RBM15: variants seen among roughly 807,000 people sequenced by gnomAD.
RBM15 encodes the protein RNA binding motif protein 15.
A neutral mutation model predicts 62.6 loss-of-function variants in RBM15; 8 were observed. The ratio of observed to expected loss-of-function variants is 0.13; its 90% confidence interval spans 0.07 to 0.23. The LOEUF is 0.23. RBM15 is among the 10% of genes least tolerant of loss of function. RBM15 has a pLI of 1.00. For synonymous variants in RBM15, 606 were observed against 505.7 expected (o/e 1.20, Z -2.66); for missense variants, 1,144 against 1,286.5 (o/e 0.89, Z 1.69).
At chr1:110,345,865 A>T (rs558588361) in intron 2 of RBM15, among the ~76,000 whole-genome samples, 2 of 152,170 alleles carry the variant, frequency 1.3e-5, no homozygotes, top group African/African-American at 4.8e-5. Context: ...GGAGTAGTCT[A>T]TGTTGCTCCA....
rs144045109 is a variant in RBM15 at position 110,343,178 on chromosome 1, A to G, written c.2863+910A>G. Among the ~76,000 whole-genome samples, 15 of 152,314 alleles carry G rather than the reference A, an allele frequency of 9.8e-5. No individual in the cohort carries two copies. In the East Asian group the frequency reaches 2.9e-3, roughly 29 times the overall value. On this transcript the variant is annotated intron_variant, in intron 1 of 2. Transcript: ENST00000369784. ...TGTATCAATTCAAATTTCTGGTTTCAATAATAGAAAGAAGAGTTGTCTGCA... is the reference window on the plus strand; with the variant it reads ...TGTATCAATTCAAATTTCTGGTTTCGATAATAGAAAGAAGAGTTGTCTGCA...
Position 110,340,157 on chromosome 1 carries a change from A to G in RBM15, c.752A>G (p.Tyr251Cys), listed in dbSNP as rs150200489. The G allele has an allele frequency of 4.3e-6, 7 of 1,613,756 alleles. No homozygotes were observed. Among genetic ancestry groups the G allele is most frequent in the Non-Finnish European group, 5.9e-6 (7 of 1,179,914 alleles). The change falls in exon 1 of 3, where the codon TAT (tyrosine) becomes TGT (cysteine). Residue 251 changes from tyrosine to cysteine, a missense_variant. This residue lies in a region of RBM15 where 188 missense variants were observed against 185.6 expected (regional missense o/e 1.01). Coordinates refer to ENST00000369784, the MANE Select transcript of RBM15 (RefSeq NM_022768.5). This position sits in a 1 kb window ranked among gnomAD's most constrained non-coding sequence, Gnocchi z 5.8. Reference protein sequence around the residue: ...YDRPLKIEAVYVSRRRSRSPL... With the variant: ...YDRPLKIEAVCVSRRRSRSPL... ...CGGCCTCTGAAGATAGAAGCTGTGT[A>G]TGTGAGCCGGCGCCGCAGCCGCTCC...
rs145126006 is a variant in RBM15 at position 110,339,525 on chromosome 1, A to G, written c.120A>G (p.Arg40=). The part of the protein sequence containing the change: ...RVTQLRGDDL[R]RPATMKGKER... ...CTCAGCTCCGCGGAGACGACCTCCG[A>G]CGACCCGCAACAATGAAGGGAAAAG... The change falls in exon 1 of 3, where the codon CGA becomes CGG. Residue 40 remains arginine, a synonymous_variant. Transcript: ENST00000369784. The G allele has an allele frequency of 3.1e-6, 5 of 1,601,580 alleles. No individual in the cohort carries two copies. Among genetic ancestry groups the G allele is most frequent in the African/African-American group, 1.3e-5 (1 of 74,814 alleles).
rs1256453054 is a variant in RBM15, at chr1:110,341,399, G to A, written c.1994G>A (p.Arg665His). Residue 665 changes from arginine (R) to histidine (H), a missense_variant, in exon 1 of 3, where the codon CGT becomes CAT. Arg to His is a conservative substitution (Grantham distance 29, BLOSUM62 0). Coordinates refer to ENST00000369784, the MANE Select transcript of RBM15 (RefSeq NM_022768.5). This position sits in a 1 kb window ranked among gnomAD's most constrained non-coding sequence, Gnocchi z 4.5. Reference protein sequence around the residue: ...RSPESDRPRKRHCAPSPDRSP... With the variant: ...RSPESDRPRKHHCAPSPDRSP... The stretch of plus-strand genomic sequence containing the variant: ...CCTGAGAGTGACCGCCCACGAAAAC[G>A]TCACTGCGCTCCTTCTCCTGACCGC... The A allele has an allele frequency of 1.2e-6, 2 of 1,614,020 alleles. No homozygotes were observed. The highest frequency in any genetic ancestry group is 1.1e-5 in the South Asian group (1 of 91,086).
At position 110,340,260 on chromosome 1, in the gene RBM15, A is replaced by T. The variant is rs372980088; in HGVS notation, c.855A>T (p.Gly285=). 54 of 1,614,154 alleles carry T rather than the reference A, an allele frequency of 3.3e-5. 1 individual carries two copies. The Middle Eastern group carries it at 8.2e-4, about 25-fold the overall frequency. ...TAGGTGGTCACCGGCACCCCCCTGGAGGTGGTGGAGGCCAGAGATCACTTT... is the reference window on the plus strand; with the variant it reads ...TAGGTGGTCACCGGCACCCCCCTGGTGGTGGTGGAGGCCAGAGATCACTTT... ...ASVGGHRHPP[G]GGGGQRSLSP... Residue 285 remains glycine (G), a synonymous_variant, in exon 1 of 3, where the codon GGA becomes GGT. Coordinates refer to ENST00000369784, the MANE Select transcript of RBM15 (RefSeq NM_022768.5). The surrounding 1 kb of genome is among the most constrained non-coding windows in gnomAD (Gnocchi z 5.8).
At chr1:110,343,829 G>A (rs997304770) in intron 1 of RBM15, among the ~76,000 whole-genome samples, 5 of 152,254 alleles carry the variant, frequency 3.3e-5, no homozygotes, top group Non-Finnish European at 5.9e-5. Flanking sequence ...AAAGCTGGTA[G>A]TTTTGAAATA....
rs1030888832 is a variant in RBM15, at chr1:110,339,660, C to T, written c.255C>T (p.Ser85=). ...CTGGTGGCAGCAATGGGAGCAGCAGCGGAAAGACCGATAGCGGCGGTGGGT... is the reference window on the plus strand; with the variant it reads ...CTGGTGGCAGCAATGGGAGCAGCAGTGGAAAGACCGATAGCGGCGGTGGGT... ...GGSGGSNGSS[S]GKTDSGGGSR... Residue 85 remains serine (S), a synonymous_variant, in exon 1 of 3, where the codon AGC becomes AGT. Coordinates refer to ENST00000369784, the MANE Select transcript of RBM15 (RefSeq NM_022768.5). 1.2e-6 allele frequency: 2 copies of T among 1,613,156 alleles called. No homozygotes were observed. Among genetic ancestry groups the T allele is most frequent in the Non-Finnish European group, 8.5e-7 (1 of 1,180,002 alleles).
Position 110,339,600 on chromosome 1 carries a change from T to C in RBM15, c.195T>C (p.Thr65=), listed in dbSNP as rs1256692695. The C allele has an allele frequency of 1.2e-6, 2 of 1,608,890 alleles. No individual in the cohort carries two copies. The change falls in exon 1 of 3, where the codon ACT becomes ACC. Residue 65 remains threonine, a synonymous_variant. Coordinates refer to ENST00000369784, the MANE Select transcript of RBM15 (RefSeq NM_022768.5). ...GCTCCCGTGGTGGTGAGGACTCGACTTCCCGCGGTGAGCGGAGCAAGAAGT... is the reference window on the plus strand; with the variant it reads ...GCTCCCGTGGTGGTGAGGACTCGACCTCCCGCGGTGAGCGGAGCAAGAAGT... ...AKRSRGGEDS[T]SRGERSKKLG...
Position 110,346,384 on chromosome 1 carries a change from A to T in RBM15, c.*117A>T. 6.9e-6 allele frequency: 11 copies of T among 1,590,868 alleles called. No individual in the cohort carries two copies. Among genetic ancestry groups the T allele is most frequent in the South Asian group, 1.1e-5 (1 of 90,860 alleles). ...CCTTTTTGAAGAGAAGTTGTGGCTTATGTGGAGTTTACATGGGCCTCTGAT... is the reference window on the plus strand; with the variant it reads ...CCTTTTTGAAGAGAAGTTGTGGCTTTTGTGGAGTTTACATGGGCCTCTGAT... On this transcript the variant is annotated 3_prime_UTR_variant, in exon 3 of 3. Transcript: ENST00000369784.
chr1:110,344,444 A>G (rs996698239), intron 1 of RBM15, among the ~76,000 whole-genome samples: 1 of 151,906 alleles, frequency 6.6e-6, no homozygotes, highest in African/African-American at 2.4e-5. Context: ...CAGCGTACAG[A>G]AGAGTACTGT....
Position 110,341,007 on chromosome 1 carries a change from G to C in RBM15, c.1602G>C (p.Gln534His), listed in dbSNP as rs1660783027. 2 of 1,614,198 alleles carry C rather than the reference G, an allele frequency of 1.2e-6. No individual in the cohort carries two copies. The highest frequency in any genetic ancestry group is 2.2e-5 in the East Asian group (1 of 44,882). ...VDFADTEHRY[Q>H]QQYLQPLPLT... ...TTGCCGACACCGAACATCGTTACCA[G>C]CAGCAGTATCTGCAGCCTCTGCCCT... Residue 534 changes from glutamine to histidine, a missense_variant, in exon 1 of 3, where the codon CAG becomes CAC. Transcript: ENST00000369784. This position sits in a 1 kb window ranked among gnomAD's most constrained non-coding sequence, Gnocchi z 4.5.
In RBM15 at chr1:110,346,624, C is replaced by T. The variant is rs1211625130; in HGVS notation, c.*357C>T. On this transcript the variant is annotated 3_prime_UTR_variant, in exon 3 of 3. Transcript: ENST00000369784. ...AGTAGCTGTCTCTCAAACGTGCGCT[C>T]ACAGTTGAGCTGCTTTTGTTTTATT... 3 of 446,360 alleles carry T rather than the reference C, an allele frequency of 6.7e-6. No individual in the cohort carries two copies. The highest frequency in any genetic ancestry group is 4.0e-6 in the Non-Finnish European group (1 of 252,170). The allele number at this position is 446,360 out of a possible 1,614,324, so 27.6% of individuals were successfully genotyped here. A position where few individuals can be genotyped will look rare whatever the true frequency, so the allele number is the denominator to read the frequency against.
intron 2 of RBM15, 62 bp from the exon 3 acceptor site, chr1:110,346,246 T>C: frequency 1.3e-6 from 2 of 1,494,934 alleles, no homozygotes; most frequent in Non-Finnish European, 1.8e-6. Flanking sequence ...AGGGGAAATA[T>C]ATATATTTTT....
rs372834187 is a variant in RBM15, at chr1:110,345,596, T to C, written c.2921T>C (p.Leu974Pro). The C allele has an allele frequency of 1.9e-6, 3 of 1,612,146 alleles. No individual in the cohort carries two copies. Among genetic ancestry groups the C allele is most frequent in the East Asian group, 2.2e-5 (1 of 44,784 alleles). ...AACAAGAAGAGAGAAAACTTGGCGC[T>C]GACCCTGTTATAGTGGTTATAGTGG... is the stretch of plus-strand genomic sequence containing the variant. ...YENKKRENLA[L>P]TLL The change falls in exon 2 of 3, where the codon CTG becomes CCG. Residue 974 changes from leucine to proline, a missense_variant. By Grantham distance (98) the Leu-to-Pro change is moderately conservative (BLOSUM62 -3). This residue lies in a region of RBM15 where 144 missense variants were observed against 223.3 expected (regional missense o/e 0.64). Coordinates refer to ENST00000369784, the MANE Select transcript of RBM15 (RefSeq NM_022768.5).
In RBM15 at chr1:110,345,554, T is replaced by C. The variant is rs750540210; in HGVS notation, c.2879T>C (p.Ile960Thr). The change falls in exon 2 of 3, where the codon ATA (isoleucine) becomes ACA (threonine). Residue 960 changes from isoleucine (I) to threonine (T), a missense_variant. Coordinates refer to ENST00000369784, the MANE Select transcript of RBM15 (RefSeq NM_022768.5). ...MIIVRGFGFQ[I>T]GVRYENKKRE... is the part of the protein sequence containing the mutation. ...TCTCTCACAGGGTTTGGTTTTCAGA[T>C]AGGAGTTAGGTATGAGAACAAGAAG... 2.7e-5 allele frequency: 44 copies of C among 1,609,778 alleles called. 1 individual carries two copies. The East Asian group carries it at 9.8e-4, about 36-fold the overall frequency.
At position 110,339,471 on chromosome 1, in the gene RBM15, G is replaced by C; in HGVS notation, c.66G>C (p.Leu22=). ...CAAGATGGCGGCGTGCGGTTCCGCT[G>C]TGTGAAACGAGCGCGGGGCGGCGGG... ...RSPRWRRAVP[L]CETSAGRRVT... Residue 22 remains leucine, a synonymous_variant, in exon 1 of 3, where the codon CTG becomes CTC. Coordinates refer to ENST00000369784, the MANE Select transcript of RBM15 (RefSeq NM_022768.5). 1 of 1,567,404 alleles carries C rather than the reference G, an allele frequency of 6.4e-7. No individual in the cohort carries two copies. Among genetic ancestry groups the C allele is most frequent in the East Asian group, 2.3e-5 (1 of 44,320 alleles).
At chr1:110,346,122 C>T (rs751723084) in intron 2 of RBM15, among the ~76,000 whole-genome samples, 186 bp from the exon 3 acceptor site, 3 of 152,002 alleles carry the variant, frequency 2.0e-5, no homozygotes, top group Non-Finnish European at 2.9e-5. Context: ...TATGTCTATT[C>T]ATACAGTAAA....
chr1:110,340,679 A>G lies in RBM15; in HGVS notation c.1274A>G (p.Asp425Gly), dbSNP rs769079952. 5 of 1,614,156 alleles carry G rather than the reference A, an allele frequency of 3.1e-6. No individual in the cohort carries two copies. Among genetic ancestry groups the G allele is most frequent in the African/African-American group, 1.3e-5 (1 of 75,022 alleles). Residue 425 changes from aspartate to glycine, a missense_variant, in exon 1 of 3, where the codon GAT (aspartate) becomes GGT (glycine). By Grantham distance (94) the Asp-to-Gly change is moderately conservative. Coordinates refer to ENST00000369784, the MANE Select transcript of RBM15 (RefSeq NM_022768.5). The surrounding 1 kb of genome is among the most constrained non-coding windows in gnomAD (Gnocchi z 5.8). ...TYGFLKFENL[D>G]MSHRAKLAMS... ...GGCTTTCTCAAATTTGAGAACTTAG[A>G]TATGTCTCACCGGGCCAAATTAGCA...
intron 1 of RBM15, 53 bp downstream of exon 1, chr1:110,342,321 T>C (rs768377734): frequency 4.2e-6 from 6 of 1,412,262 alleles, no homozygotes; most frequent in East Asian, 2.3e-5. Context: ...ACATGGTTCC[T>C]GTTTTGTGAT....
Sources: gnomAD v4.1 joint callset for allele counts (sites outside exome capture counted in the v4.1 genomes callset) on GRCh38, gnomAD v4.1.1 for gene constraint, gnomAD v4.1.1 regional missense constraint, Gnocchi (gnomAD v3.1) non-coding constraint, MANE v1.5 for transcripts, NCBI Gene and HGNC (gene_info 2026-07-23, HGNC 2026-07-21) for gene names.